Variants in SNTG2 observed in about 807,000 individuals in gnomAD.
The protein encoded by SNTG2 is gamma-2-syntrophin.
A neutral mutation model predicts 70.9 loss-of-function variants in SNTG2; 74 were observed. The observed-to-expected ratio is 1.04, with a 90% confidence interval of 0.86 to 1.27. SNTG2 has a LOEUF of 1.27. SNTG2 is among the 50% of genes most tolerant of loss of function. The pLI is 0.00. For missense variants in SNTG2, 717 were observed against 690.7 expected (o/e 1.04, Z -0.43); for synonymous variants, 278 against 273.8 (o/e 1.02, Z -0.15).
Position 1,137,811 on chromosome 2 carries a change from T to C in SNTG2, c.411+2T>C. 1.9e-6 allele frequency: 3 copies of C among 1,608,172 alleles called. No individual in the cohort carries two copies. The highest frequency in any genetic ancestry group is 2.2e-5 in the South Asian group (2 of 90,930). ...GAAAATGCAACTCATGAAGAAGTGG[T>C]AAGTGAATTACATTTTATAGTTATT... On this transcript the variant is annotated splice_donor_variant, in intron 6 of 16. Transcript: ENST00000308624. LOFTEE classifies it high-confidence loss of function.
At chr2:1,335,327 C>T (rs1659763184) in intron 16 of SNTG2, among the ~76,000 whole-genome samples, 1 of 152,230 alleles carries the variant, frequency 6.6e-6, no homozygotes, top group African/African-American at 2.4e-5. Flanking sequence ...CTTCCTGGCT[C>T]TCTCAGTGTT....
At chr2:1,302,670 A>G (rs12328321) in intron 14 of SNTG2, among the ~76,000 whole-genome samples, 1 of 152,222 alleles carries the variant, frequency 6.6e-6, no homozygotes, top group Non-Finnish European at 1.5e-5. Context: ...ATGAAGTGAA[A>G]GTGGTGTAAA....
At chr2:1,228,907 C>T (rs898375164) in intron 9 of SNTG2, among the ~76,000 whole-genome samples, 2 of 151,886 alleles carry the variant, frequency 1.3e-5, no homozygotes, top group African/African-American at 4.8e-5. Flanking sequence ...GTCTCGCTGG[C>T]TCAGGAGTGA....
At position 1,267,380 on chromosome 2, in the gene SNTG2, G is replaced by C. The variant is rs1262663743; in HGVS notation, c.1093G>C (p.Asp365His). 3.1e-6 allele frequency: 5 copies of C among 1,602,690 alleles called. No individual in the cohort carries two copies. The highest frequency in any genetic ancestry group is 4.3e-6 in the Non-Finnish European group (5 of 1,174,058). ...TGTTTTTCAGTTCTGGCTCACAGAG[G>C]ACTGCTGGTTGCAAGCAAACTTGTA... The part of the protein sequence containing the change: ...FKVHKFWLTE[D>H]CWLQANLYLG... Residue 365 changes from aspartate to histidine, a missense_variant, in exon 14 of 17, where the codon GAC becomes CAC. Transcript: ENST00000308624.
intron 1 of SNTG2, among the ~76,000 whole-genome samples, chr2:1,035,009 A>G (rs576021471): frequency 6.6e-6 from 1 of 152,340 alleles, no homozygotes; most frequent in African/African-American, 2.4e-5. Context: ...AATCACACCA[A>G]TCACTCTCTC....
intron 14 of SNTG2, among the ~76,000 whole-genome samples, chr2:1,282,641 C>A (rs1266678053): frequency 6.6e-6 from 1 of 151,718 alleles, no homozygotes; most frequent in African/African-American, 2.4e-5. Flanking sequence ...CCCCGCACAG[C>A]GCGTCCCTCC....
intron 4 of SNTG2, among the ~76,000 whole-genome samples, chr2:1,134,956 G>A (rs552895167): frequency 1.4e-4 from 21 of 152,288 alleles, no homozygotes; most frequent in African/African-American, 4.8e-4. Context: ...CTCCGCAGCC[G>A]CTGGCCAGGG....
chr2:1,250,829 T>C (rs1368130157), intron 12 of SNTG2, among the ~76,000 whole-genome samples: 1 of 152,246 alleles, frequency 6.6e-6, no homozygotes, highest in Non-Finnish European at 1.5e-5. Flanking sequence ...AGTTTCATCT[T>C]TGGTGTGGGA....
intron 1 of SNTG2, among the ~76,000 whole-genome samples, chr2:972,763 C>T (rs1456426129): frequency 1.3e-5 from 2 of 152,076 alleles, no homozygotes; most frequent in African/African-American, 4.8e-5. Flanking sequence ...TACTCTTGCT[C>T]CCACCATATA....
chr2:1,085,493 A>T, intron 2 of SNTG2, among the ~76,000 whole-genome samples: 1 of 152,234 alleles, frequency 6.6e-6, no homozygotes, highest in East Asian at 1.9e-4. Flanking sequence ...TCCCACCTGC[A>T]CATTGGAGAA....
intron 16 of SNTG2, among the ~76,000 whole-genome samples, chr2:1,336,502 G>A (rs1659824337): frequency 6.6e-6 from 1 of 152,144 alleles, no homozygotes; most frequent in Non-Finnish European, 1.5e-5. Flanking sequence ...CATCGCTTAT[G>A]CCTTTGGAAT....
intron 9 of SNTG2, among the ~76,000 whole-genome samples, chr2:1,229,719 G>A (rs967509911): frequency 1.3e-5 from 2 of 152,228 alleles, no homozygotes; most frequent in Admixed American, 6.5e-5. Flanking sequence ...AGGCGTGGCG[G>A]GCTGCAGGTC....
At chr2:1,021,607 T>A (rs1660178297) in intron 1 of SNTG2, among the ~76,000 whole-genome samples, 1 of 152,030 alleles carries the variant, frequency 6.6e-6, no homozygotes, top group South Asian at 2.1e-4. Context: ...TTCTTTTTTT[T>A]TTCTTTTGCT....
chr2:964,229 A>G (rs1660453089), intron 1 of SNTG2, among the ~76,000 whole-genome samples: 1 of 152,184 alleles, frequency 6.6e-6, no homozygotes, highest in Non-Finnish European at 1.5e-5. Context: ...TAAATTCCTT[A>G]TTAAGAAGGA....
At chr2:1,181,205 CTT>C (rs1034695018) in intron 8 of SNTG2, among the ~76,000 whole-genome samples, 1 of 142,120 alleles carries the variant, frequency 7.0e-6, no homozygotes, top group African/African-American at 2.6e-5. Context: ...TACCCTAAAA[CTT>C]AAAGTATAAT....
At chr2:1,358,176 A>G (rs1660953809) in intron 16 of SNTG2, among the ~76,000 whole-genome samples, 1 of 152,044 alleles carries the variant, frequency 6.6e-6, no homozygotes, top group South Asian at 2.1e-4. Context: ...TCTAAGTCTA[A>G]TTATCTCCCA....
chr2:1,225,003 G>C lies in SNTG2; in HGVS notation c.720-12885G>C, dbSNP rs147205263. 2.4e-3 allele frequency among the ~76,000 whole-genome samples: 371 copies of C among 152,332 alleles called. 2 individuals carry two copies. Among genetic ancestry groups the C allele is most frequent in the Non-Finnish European group, 3.5e-3 (236 of 68,034 alleles). On this transcript the variant is annotated intron_variant, in intron 9 of 16. Transcript: ENST00000308624. ...AGCTGTGTAAGCAGTGGCCATTCAC[G>C]TGGCTTTAATGTACAGAAGAGGCTC...
intron 1 of SNTG2, among the ~76,000 whole-genome samples, chr2:1,068,925 G>A (rs910438126): frequency 2.6e-5 from 4 of 152,190 alleles, no homozygotes; most frequent in East Asian, 1.9e-4. Flanking sequence ...TGGTAGGGCC[G>A]TACTCATTGA....
At chr2:1,332,029 C>G (rs1417806502) in intron 16 of SNTG2, among the ~76,000 whole-genome samples, 1 of 152,128 alleles carries the variant, frequency 6.6e-6, no homozygotes, top group Non-Finnish European at 1.5e-5. Context: ...CCAGCTGTTC[C>G]AAGGACATGC....
Sources: gnomAD v4.1 joint callset for allele counts (sites outside exome capture counted in the v4.1 genomes callset) on GRCh38, gnomAD v4.1.1 for gene constraint, MANE v1.5 for transcripts, NCBI Gene and HGNC (gene_info 2026-07-23, HGNC 2026-07-21) for gene names.